The following PUS10 variants were observed in gnomAD, a reference collection of about 807,000 sequenced individuals.
PUS10 encodes pseudouridine synthase 10.
A neutral mutation model predicts 75.0 loss-of-function variants in PUS10; 59 were observed. The observed-to-expected ratio is 0.79, with a 90% CI of 0.64 to 0.98. The LOEUF (loss-of-function observed/expected upper bound fraction) is 0.98, where lower values mean the gene tolerates loss of function less well. PUS10 is among the 50% of genes least tolerant of loss of function. The pLI is 0.00. For synonymous variants in PUS10, 219 were observed against 211.6 expected, an observed-to-expected ratio of 1.03 and a Z score of -0.30; for missense variants, 650 against 614.4, an observed-to-expected ratio of 1.06 and a Z score of -0.61.
At chr2:61,004,374 C>T (rs1414782868) in intron 4 of PUS10, among the ~76,000 whole-genome samples, 1 of 151,982 alleles carries the variant, frequency 6.6e-6, no homozygotes, top group African/African-American at 2.4e-5. Context: ...CCTGTAATTC[C>T]AGCACTTTGG....
chr2:60,955,389 G>GC (rs1675585237), intron 11 of PUS10, among the ~76,000 whole-genome samples: 1 of 152,122 alleles, frequency 6.6e-6, no homozygotes, highest in African/African-American at 2.4e-5. Flanking sequence ...GAGTGCAGCA[G>GC]CGTGATCATG....
chr2:60,976,667 T>C lies in PUS10; in HGVS notation c.469-5110A>G, dbSNP rs141239393. The stretch of plus-strand genomic sequence containing the variant: ...CCTCTGCAGGCTCCCTGCTCCAGCA[T>C]GCCAGCAGATTGGACAGAACTAACC... On this transcript the variant is annotated intron_variant, in intron 4 of 17. Coordinates refer to ENST00000316752, the MANE Select transcript of PUS10 (RefSeq NM_144709.4). 2.9e-3 allele frequency among the ~76,000 whole-genome samples: 449 copies of C among 152,358 alleles called. 1 individual carries two copies. The highest frequency in any genetic ancestry group is 0.01 in the African/African-American group (419 of 41,586).
chr2:60,949,132 C>T (rs1675176934), intron 15 of PUS10, among the ~76,000 whole-genome samples: 4 of 152,172 alleles, frequency 2.6e-5, no homozygotes, highest in Admixed American at 2.6e-4. Flanking sequence ...AATGGCTCCT[C>T]CTAACTCTGT....
chr2:60,943,486 AC>A (rs761682833), intron 17 of PUS10, among the ~76,000 whole-genome samples: 1,640 of 144,954 alleles, frequency 0.011, 26 homozygotes, highest in African/African-American at 0.039. Flanking sequence ...AAAAAAAAAA[AC>A]CCACCGTATC....
intron 11 of PUS10, among the ~76,000 whole-genome samples, chr2:60,959,070 A>G (rs1675851065): frequency 6.6e-6 from 1 of 152,228 alleles, no homozygotes; most frequent in Admixed American, 6.5e-5. Flanking sequence ...AACCTGACTC[A>G]TCCCATGAAC....
chr2:60,962,940 A>C (rs1676120736), intron 8 of PUS10, 50 bp from the exon 9 acceptor site: 5 of 1,503,686 alleles, frequency 3.3e-6, no homozygotes, highest in Non-Finnish European at 4.4e-6. Flanking sequence ...CCAGACAAGA[A>C]AACATCAGAC....
In PUS10 at chr2:60,941,655, T is replaced by A. The variant is rs1674632136; in HGVS notation, c.*740A>T. 1 of 152,432 alleles carries A rather than the reference T, an allele frequency of 6.6e-6. No homozygotes were observed. Among genetic ancestry groups the A allele is most frequent in the African/African-American group, 2.4e-5 (1 of 41,574 alleles). The allele number at this position is 152,432 out of a possible 1,614,324, so 9.4% of individuals were successfully genotyped here. A position where few individuals can be genotyped will look rare whatever the true frequency, so the allele number is the denominator to read the frequency against. ...CAAATTCTTAACCCTGGGATTGAAG[T>A]TATTAAAGGCACTTGTTTCTCCTTA... On this transcript the variant is annotated 3_prime_UTR_variant, in exon 18 of 18. Coordinates refer to ENST00000316752, the MANE Select transcript of PUS10 (RefSeq NM_144709.4).
At chr2:60,974,497 G>A (rs1432046285) in intron 4 of PUS10, among the ~76,000 whole-genome samples, 1 of 151,674 alleles carries the variant, frequency 6.6e-6, no homozygotes, top group Non-Finnish European at 1.5e-5. Context: ...AAAACAAACA[G>A]GGCTGAAACA....
intron 3 of PUS10, among the ~76,000 whole-genome samples, chr2:61,007,939 G>A (rs187759601): frequency 6.6e-6 from 1 of 151,028 alleles, no homozygotes; most frequent in Admixed American, 6.6e-5. Context: ...AAAATTAGCT[G>A]GGTGGCGGGT....
Position 60,965,063 on chromosome 2 carries a change from T to G in PUS10, c.718A>C (p.Lys240Gln). The change falls in exon 8 of 18, where the codon AAA becomes CAA. Residue 240 changes from lysine to glutamine, a missense_variant. By Grantham distance (53) the Lys-to-Gln change is moderately conservative. Coordinates refer to ENST00000316752, the MANE Select transcript of PUS10 (RefSeq NM_144709.4). ...CPDCFKPAKN[K>Q]QSVFTRMAVM... ...AAGCGGGAACCTTTCCTTACCTGTT[T>G]GTTTTTGGCTGGCTTAAAACAATCT... is the stretch of plus-strand genomic sequence containing the variant. The G allele has an allele frequency of 6.2e-7, 1 of 1,613,806 alleles. No individual in the cohort carries two copies. The highest frequency in any genetic ancestry group is 8.5e-7 in the Non-Finnish European group (1 of 1,179,762).
At chr2:60,962,935 C>G in intron 8 of PUS10, 45 bp from the exon 9 acceptor site, 2 of 1,507,094 alleles carry the variant, frequency 1.3e-6, no homozygotes, top group South Asian at 2.6e-5. Context: ...ATTATCCAGA[C>G]AAGAAAACAT....
At chr2:60,976,462 C>T (rs778677185) in intron 4 of PUS10, among the ~76,000 whole-genome samples, 16 of 152,228 alleles carry the variant, frequency 1.1e-4, no homozygotes, top group Admixed American at 4.6e-4. Context: ...AAACTCTGTT[C>T]TCTACAAGTC....
At chr2:60,990,238 T>C (rs1677992383) in intron 4 of PUS10, among the ~76,000 whole-genome samples, 1 of 151,892 alleles carries the variant, frequency 6.6e-6, no homozygotes, top group Non-Finnish European at 1.5e-5. Flanking sequence ...CTAAACAAGA[T>C]TGGAAAACAA....
intron 5 of PUS10, among the ~76,000 whole-genome samples, chr2:60,971,011 C>T (rs1488500871): frequency 6.6e-6 from 1 of 151,982 alleles, no homozygotes; most frequent in East Asian, 1.9e-4. Context: ...GAAACCCCAT[C>T]TCTACTAAAA....
At position 60,988,154 on chromosome 2, in the gene PUS10, C is replaced by T. The variant is rs560060146; in HGVS notation, c.469-16597G>A. On this transcript the variant is annotated intron_variant, in intron 4 of 17. Coordinates refer to ENST00000316752, the MANE Select transcript of PUS10 (RefSeq NM_144709.4). Reference sequence around the variant, plus strand: ...ACAAACTTTAAAAGGCCTAGGCTCACGAGATGTCAAAAATGATTATTAAAT... The same window carrying T: ...ACAAACTTTAAAAGGCCTAGGCTCATGAGATGTCAAAAATGATTATTAAAT... 2.0e-5 allele frequency among the ~76,000 whole-genome samples: 3 copies of T among 151,940 alleles called. 1 individual carries two copies. The highest frequency in any genetic ancestry group is 2.1e-4 in the South Asian group (1 of 4,812).
intron 6 of PUS10, chr2:60,966,352 G>A (rs1558905125): frequency 6.6e-6 from 1 of 152,164 alleles, no homozygotes; most frequent in Non-Finnish European, 1.5e-5. Flanking sequence ...GCCATACTAT[G>A]TTGCAATTTT....
intron 4 of PUS10, among the ~76,000 whole-genome samples, chr2:61,003,879 C>T (rs2698193): frequency 0.54 from 82,038 of 151,956 alleles, 25,512 homozygotes; most frequent in African/African-American, 0.85. Context: ...AGGCCACCCT[C>T]TGTTTCTTTT....
intron 3 of PUS10, among the ~76,000 whole-genome samples, chr2:61,007,464 A>G (rs1160935763): frequency 6.6e-6 from 1 of 151,926 alleles, no homozygotes; most frequent in East Asian, 1.9e-4. Flanking sequence ...CTGTCTCAAA[A>G]AAGACAAAAA....
chr2:60,982,295 C>T (rs989200109), intron 4 of PUS10, among the ~76,000 whole-genome samples: 1 of 151,990 alleles, frequency 6.6e-6, no homozygotes, highest in Non-Finnish European at 1.5e-5. Context: ...CAGAGTCTTG[C>T]TCTGTCACCC....
Sources: gnomAD v4.1 joint callset for allele counts (sites outside exome capture counted in the v4.1 genomes callset) on GRCh38, gnomAD v4.1.1 for gene constraint, MANE v1.5 for transcripts, NCBI Gene and HGNC (gene_info 2026-07-23, HGNC 2026-07-21) for gene names.